Variants in PRKN observed in about 807,000 individuals in gnomAD.
PRKN encodes E3 ubiquitin-protein ligase parkin.
Under a neutral mutation model 59.5 loss-of-function variants are expected in PRKN, and 56 were observed. The ratio of observed to expected loss-of-function variants is 0.94; its 90% CI spans 0.76 to 1.18. PRKN has a LOEUF of 1.18. PRKN is among the 50% of genes most tolerant of loss of function. The pLI is 0.00. For synonymous variants in PRKN, 250 were observed against 222.1 expected (o/e 1.13, Z -1.12); for missense variants, 657 against 596.4 (o/e 1.10, Z -1.06).
intron 1 of PRKN, among the ~76,000 whole-genome samples, chr6:162,563,694 G>A (rs977124382): frequency 1.3e-5 from 2 of 152,142 alleles, no homozygotes; most frequent in African/African-American, 4.8e-5. Context: ...ACCAATCCTG[G>A]ATAAATAGAG....
intron 6 of PRKN, among the ~76,000 whole-genome samples, chr6:161,810,317 G>A (rs143426142): frequency 6.6e-6 from 1 of 152,294 alleles, no homozygotes; most frequent in East Asian, 1.9e-4. Context: ...CTTCTGGTCT[G>A]TGAGGAAATA....
chr6:162,290,958 T>C (rs966083895), intron 2 of PRKN, among the ~76,000 whole-genome samples: 3 of 152,212 alleles, frequency 2.0e-5, no homozygotes, highest in Non-Finnish European at 2.9e-5. Context: ...AGAGCATTCA[T>C]GGAATTAAAT....
intron 1 of PRKN, among the ~76,000 whole-genome samples, chr6:162,597,028 A>G (rs1392529047): frequency 6.6e-6 from 1 of 152,204 alleles, no homozygotes; most frequent in Non-Finnish European, 1.5e-5. Context: ...GTTATCAAAA[A>G]TCTAACTTTA....
At chr6:162,006,452 C>T (rs74343171) in intron 5 of PRKN, among the ~76,000 whole-genome samples, 1 of 152,184 alleles carries the variant, frequency 6.6e-6, no homozygotes, top group African/African-American at 2.4e-5. Context: ...TAAACCAGAT[C>T]ATATTCTTCC....
chr6:161,757,721 C>T (rs909132162), intron 7 of PRKN, among the ~76,000 whole-genome samples: 22 of 151,610 alleles, frequency 1.5e-4, no homozygotes, highest in Middle Eastern at 3.4e-3. Context: ...GCCTGTAATC[C>T]CAGCTACTCG....
chr6:161,808,700 A>AT (rs1274588615), intron 6 of PRKN, among the ~76,000 whole-genome samples: 1 of 152,066 alleles, frequency 6.6e-6, no homozygotes, highest in African/African-American at 2.4e-5. Context: ...ACACTCTCCA[A>AT]TTTTCAAACC....
intron 6 of PRKN, among the ~76,000 whole-genome samples, chr6:161,921,961 T>A (rs2128239143): frequency 6.6e-6 from 1 of 152,348 alleles, no homozygotes; most frequent in South Asian, 2.1e-4. Context: ...TTCTCTGGGA[T>A]GCTACAAGGC....
intron 1 of PRKN, among the ~76,000 whole-genome samples, chr6:162,540,605 G>C (rs1050356562): frequency 1.3e-5 from 2 of 151,752 alleles, no homozygotes; most frequent in South Asian, 4.2e-4. Context: ...TCAGGAGTTC[G>C]AGACCAGCCT....
chr6:161,834,824 T>C (rs1792677945), intron 6 of PRKN, among the ~76,000 whole-genome samples: 1 of 152,222 alleles, frequency 6.6e-6, no homozygotes, highest in South Asian at 2.1e-4. Flanking sequence ...GCAACCATTC[T>C]GGGAGACAGC....
At chr6:161,958,093 G>T (rs540575793) in intron 6 of PRKN, among the ~76,000 whole-genome samples, 1 of 152,166 alleles carries the variant, frequency 6.6e-6, no homozygotes, top group Non-Finnish European at 1.5e-5. Flanking sequence ...CATCCCAGAA[G>T]CTTACTGAAT....
chr6:162,062,824 T>A (rs1160849754), intron 4 of PRKN, among the ~76,000 whole-genome samples: 2 of 152,220 alleles, frequency 1.3e-5, no homozygotes, highest in Non-Finnish European at 2.9e-5. Flanking sequence ...CTGGTGGCTT[T>A]ACGTTGTTAT....
At chr6:161,677,229 G>A (rs1785120199) in intron 7 of PRKN, among the ~76,000 whole-genome samples, 1 of 152,040 alleles carries the variant, frequency 6.6e-6, no homozygotes, top group African/African-American at 2.4e-5. Context: ...GGAAAAGTAG[G>A]AGTGATATAG....
chr6:161,933,050 C>A (rs1432391358), intron 6 of PRKN, among the ~76,000 whole-genome samples: 1 of 152,162 alleles, frequency 6.6e-6, no homozygotes, highest in East Asian at 1.9e-4. Flanking sequence ...GAGGCGGAGG[C>A]AGGCGGATCA....
At chr6:161,692,552 A>G (rs1016569744) in intron 7 of PRKN, among the ~76,000 whole-genome samples, 5 of 152,242 alleles carry the variant, frequency 3.3e-5, no homozygotes, top group Non-Finnish European at 1.5e-5. Flanking sequence ...ATACAGTTTT[A>G]GAAGTAAAAG....
chr6:162,576,258 T>C lies in PRKN; in HGVS notation c.8-132785A>G, dbSNP rs371999439. ...CAGTCTTAAAGTATGATGGGAAGGC[T>C]AGAGCATCACAAAAATGCCTGGACA... On this transcript the variant is annotated intron_variant, in intron 1 of 11. Transcript: ENST00000366898. Among the ~76,000 whole-genome samples the C allele has an allele frequency of 9.8e-5, 15 of 152,294 alleles. No homozygotes were observed. The South Asian group carries it at 3.1e-3, about 32-fold the overall frequency.
intron 7 of PRKN, among the ~76,000 whole-genome samples, chr6:161,749,304 T>C (rs191926453): frequency 6.6e-6 from 1 of 152,316 alleles, no homozygotes; most frequent in East Asian, 1.9e-4. Flanking sequence ...GCTGAGTACA[T>C]ATATATACAT....
intron 2 of PRKN, among the ~76,000 whole-genome samples, chr6:162,335,707 T>C (rs1783813198): frequency 6.6e-6 from 1 of 152,078 alleles, no homozygotes; most frequent in African/African-American, 2.4e-5. Flanking sequence ...TTTCTCCTAT[T>C]TTATCGCTCA....
At chr6:162,666,657 G>A (rs961724249) in intron 1 of PRKN, among the ~76,000 whole-genome samples, 4 of 152,022 alleles carry the variant, frequency 2.6e-5, no homozygotes, top group African/African-American at 4.8e-5. Flanking sequence ...AAAAAATGTT[G>A]TACAAACTCC....
intron 7 of PRKN, among the ~76,000 whole-genome samples, chr6:161,580,475 G>T (rs1334259569): frequency 6.6e-6 from 1 of 151,960 alleles, no homozygotes; most frequent in African/African-American, 2.4e-5. Context: ...CAATTTTTTT[G>T]TTGTTGTTTG....
Sources: gnomAD v4.1 joint callset for allele counts (sites outside exome capture counted in the v4.1 genomes callset) on GRCh38, gnomAD v4.1.1 for gene constraint, MANE v1.5 for transcripts, NCBI Gene and HGNC (gene_info 2026-07-23, HGNC 2026-07-21) for gene names.